EPHB1: variants seen among roughly 807,000 people sequenced by gnomAD.
EPHB1 encodes the protein ephrin type-B receptor 1.
Under a neutral mutation model 94.4 loss-of-function variants are expected in EPHB1, and 30 were observed. The ratio of observed to expected loss-of-function variants is 0.32; its 90% confidence interval spans 0.24 to 0.43. The LOEUF (loss-of-function observed/expected upper bound fraction) is 0.43, where lower values mean the gene tolerates loss of function less well. Among genes scored for constraint, EPHB1 ranks in the 20% least tolerant of loss-of-function variants. The pLI is 1.00. For missense variants in EPHB1, 1,055 were observed against 1,308.3 expected (o/e 0.81, Z 2.99); for synonymous variants, 522 against 489.1 (o/e 1.07, Z -0.89).
chr3:135,238,297 A>T (rs1371377663), intron 12 of EPHB1, among the ~76,000 whole-genome samples: 1 of 152,148 alleles, frequency 6.6e-6, no homozygotes, highest in African/African-American at 2.4e-5. Flanking sequence ...ACAAGCTGTC[A>T]CCTGCCTGTC....
intron 1 of EPHB1, among the ~76,000 whole-genome samples, chr3:134,865,654 TAA>T (rs57411473): frequency 4.9e-4 from 69 of 142,138 alleles, no homozygotes; most frequent in Middle Eastern, 3.6e-3. Context: ...GCAGCTGTTT[TAA>T]AAAAAAAAAA....
At chr3:134,949,405 C>T (rs1285705048) in intron 2 of EPHB1, among the ~76,000 whole-genome samples, 2 of 139,706 alleles carry the variant, frequency 1.4e-5, no homozygotes, top group African/African-American at 5.7e-5. Flanking sequence ...TCTCAATGTG[C>T]CCATTTCCCC....
intron 3 of EPHB1, among the ~76,000 whole-genome samples, chr3:135,039,567 C>G (rs1469200067): frequency 6.6e-6 from 1 of 152,260 alleles, no homozygotes; most frequent in Non-Finnish European, 1.5e-5. Flanking sequence ...GTCCCGAGCC[C>G]TGCCCCGCGG....
At chr3:134,886,008 G>C (rs1449454480) in intron 1 of EPHB1, among the ~76,000 whole-genome samples, 4 of 152,180 alleles carry the variant, frequency 2.6e-5, no homozygotes, top group African/African-American at 4.8e-5. Flanking sequence ...GCTGAGCATC[G>C]GTTTAAGAGT....
At chr3:134,972,339 T>C (rs1308328768) in intron 3 of EPHB1, among the ~76,000 whole-genome samples, 3 of 148,138 alleles carry the variant, frequency 2.0e-5, no homozygotes, top group African/African-American at 7.4e-5. Flanking sequence ...TGTGTATATA[T>C]ATAAATATCT....
intron 1 of EPHB1, among the ~76,000 whole-genome samples, chr3:134,847,882 G>A (rs2036905149): frequency 6.6e-6 from 1 of 152,192 alleles, no homozygotes. Flanking sequence ...CCTGGAGACA[G>A]CGTTTAGATT....
chr3:134,869,344 G>A (rs1049885403), intron 1 of EPHB1, among the ~76,000 whole-genome samples: 3 of 152,182 alleles, frequency 2.0e-5, no homozygotes, highest in Non-Finnish European at 4.4e-5. Flanking sequence ...CTCTCTCTGG[G>A]CTGATGCCAT....
chr3:135,060,809 T>C (rs1937478393), intron 3 of EPHB1, among the ~76,000 whole-genome samples: 1 of 152,178 alleles, frequency 6.6e-6, no homozygotes, highest in Non-Finnish European at 1.5e-5. Context: ...TACACTGTTT[T>C]AGTTATTTTT....
intron 3 of EPHB1, among the ~76,000 whole-genome samples, chr3:134,956,902 C>T (rs1304211300): frequency 6.6e-6 from 1 of 152,138 alleles, no homozygotes; most frequent in African/African-American, 2.4e-5. Flanking sequence ...CATCACCTTC[C>T]TGCATCTGCC....
At chr3:134,910,037 A>G (rs2038419767) in intron 1 of EPHB1, among the ~76,000 whole-genome samples, 1 of 152,122 alleles carries the variant, frequency 6.6e-6, no homozygotes, top group Non-Finnish European at 1.5e-5. Context: ...ACAAACTAAT[A>G]TGTAGGGCCT....
At chr3:135,023,491 C>G (rs1936046137) in intron 3 of EPHB1, among the ~76,000 whole-genome samples, 1 of 152,112 alleles carries the variant, frequency 6.6e-6, no homozygotes, top group South Asian at 2.1e-4. Context: ...TAAATATTTC[C>G]TGGGGTTGGG....
At chr3:134,905,663 T>C (rs2038308847) in intron 1 of EPHB1, among the ~76,000 whole-genome samples, 1 of 152,206 alleles carries the variant, frequency 6.6e-6, no homozygotes, top group South Asian at 2.1e-4. Flanking sequence ...ACACCACACT[T>C]CTGGCCTCCT....
At chr3:134,805,240 A>T (rs2036018425) in intron 1 of EPHB1, among the ~76,000 whole-genome samples, 1 of 152,166 alleles carries the variant, frequency 6.6e-6, no homozygotes, top group Non-Finnish European at 1.5e-5. Context: ...CAGAAAGCCC[A>T]TCCGGGGATG....
chr3:134,842,552 T>C (rs1375214686), intron 1 of EPHB1, among the ~76,000 whole-genome samples: 1 of 152,228 alleles, frequency 6.6e-6, no homozygotes, highest in Non-Finnish European at 1.5e-5. Flanking sequence ...CCAAAATCCC[T>C]CTAAGTTCCC....
At chr3:134,860,512 C>T (rs1425481252) in intron 1 of EPHB1, among the ~76,000 whole-genome samples, 1 of 152,126 alleles carries the variant, frequency 6.6e-6, no homozygotes, top group Non-Finnish European at 1.5e-5. Context: ...CTCCACTTTA[C>T]ACTTTAAAAA....
At chr3:134,982,489 G>A (rs569458444) in intron 3 of EPHB1, among the ~76,000 whole-genome samples, 1 of 152,254 alleles carries the variant, frequency 6.6e-6, no homozygotes, top group South Asian at 2.1e-4. Context: ...CCTGAGGAAA[G>A]GTGTTCTGCA....
intron 3 of EPHB1, among the ~76,000 whole-genome samples, chr3:135,097,150 T>C (rs1212747144): frequency 6.9e-6 from 1 of 144,938 alleles, no homozygotes; most frequent in Non-Finnish European, 1.5e-5. Flanking sequence ...GGCTTCAACG[T>C]ATGATTTTTT....
Position 134,810,663 on chromosome 3 carries a change from A to G in EPHB1, c.58+14974A>G, listed in dbSNP as rs371477232. On this transcript the variant is annotated intron_variant, in intron 1 of 15. Transcript: ENST00000398015. ...GCTTGACAAAGCCGGGGACTCAGCT[A>G]TAGCACTTACTAATTTAGAAGTTGT... Among the ~76,000 whole-genome samples, 8 of 152,334 alleles carry G rather than the reference A, an allele frequency of 5.3e-5. No homozygotes were observed. The East Asian group carries it at 9.6e-4, about 18-fold the overall frequency.
chr3:135,069,427 G>A (rs1937634132), intron 3 of EPHB1, among the ~76,000 whole-genome samples: 1 of 152,096 alleles, frequency 6.6e-6, no homozygotes, highest in Non-Finnish European at 1.5e-5. Flanking sequence ...AAGGAAGACA[G>A]TTTGGAACAA....
Sources: gnomAD v4.1 joint callset for allele counts (sites outside exome capture counted in the v4.1 genomes callset) on GRCh38, gnomAD v4.1.1 for gene constraint, MANE v1.5 for transcripts, NCBI Gene and HGNC (gene_info 2026-07-23, HGNC 2026-07-21) for gene names.